GYPE: variants seen among roughly 807,000 people sequenced by gnomAD.
GYPE encodes glycophorin-E.
In GYPE, 8 loss-of-function variants were observed where a neutral mutation model predicts 11.6. That is an observed-to-expected ratio of 0.69 (90% CI 0.41 to 1.25). GYPE has a LOEUF of 1.25. Ranked by LOEUF, GYPE falls within the 50% of genes most tolerant of loss-of-function variation. GYPE has a pLI of 0.01. For missense variants in GYPE, 90 were observed against 92.8 expected (o/e 0.97, Z 0.12); for synonymous variants, 28 against 29.6 (o/e 0.94, Z 0.18).
intron 3 of GYPE, among the ~76,000 whole-genome samples, chr4:143,876,257 G>C: frequency 6.6e-6 from 1 of 152,088 alleles, no homozygotes; most frequent in Middle Eastern, 3.4e-3. Flanking sequence ...GATACTACAC[G>C]TGTGCACCAC....
chr4:143,904,269 T>C (rs1293708871), intron 1 of GYPE, among the ~76,000 whole-genome samples: 1 of 152,136 alleles, frequency 6.6e-6, no homozygotes, highest in East Asian at 1.9e-4. Context: ...TAGTTAATTC[T>C]AATCATAGAA....
At chr4:143,874,970 C>A (rs1481615213) in intron 3 of GYPE, among the ~76,000 whole-genome samples, 1 of 152,170 alleles carries the variant, frequency 6.6e-6, no homozygotes, top group African/African-American at 2.4e-5. Context: ...TATCAAGAAT[C>A]TGGTTTTTGA....
At chr4:143,901,804 A>G (rs1424454411) in intron 1 of GYPE, among the ~76,000 whole-genome samples, 2 of 151,452 alleles carry the variant, frequency 1.3e-5, no homozygotes, top group African/African-American at 4.9e-5. Context: ...TATCACAAGA[A>G]TGTGAAGCTA....
intron 1 of GYPE, among the ~76,000 whole-genome samples, chr4:143,898,735 G>A (rs1264813751): frequency 3.9e-5 from 6 of 152,162 alleles, no homozygotes; most frequent in Admixed American, 6.5e-5. Flanking sequence ...ACGAATCAAT[G>A]AAGACAGATT....
At chr4:143,898,301 T>C (rs11931694) in intron 1 of GYPE, among the ~76,000 whole-genome samples, 141,165 of 152,040 alleles carry the variant, frequency 0.93, 66,454 homozygotes, top group East Asian at 1. Context: ...TGCTTGAACC[T>C]GGGAGGCAGA....
At chr4:143,900,211 G>C (rs1453453830) in intron 1 of GYPE, among the ~76,000 whole-genome samples, 2 of 139,974 alleles carry the variant, frequency 1.4e-5, no homozygotes, top group Non-Finnish European at 3.1e-5. Flanking sequence ...AGCATCATGA[G>C]TTATCAGGAA....
At chr4:143,882,824 G>C (rs1015446346) in intron 1 of GYPE, among the ~76,000 whole-genome samples, 1 of 152,036 alleles carries the variant, frequency 6.6e-6, no homozygotes, top group Non-Finnish European at 1.5e-5. Context: ...ATACAAAATG[G>C]GCTCTTCTGA....
intron 1 of GYPE, among the ~76,000 whole-genome samples, chr4:143,890,116 T>C (rs1309645454): frequency 6.6e-6 from 1 of 152,192 alleles, no homozygotes; most frequent in Non-Finnish European, 1.5e-5. Flanking sequence ...AAGATGATAA[T>C]TCACCTTGTT....
intron 2 of GYPE, among the ~76,000 whole-genome samples, chr4:143,877,635 C>T (rs573245168): frequency 6.6e-6 from 1 of 151,936 alleles, no homozygotes; most frequent in Non-Finnish European, 1.5e-5. Context: ...ATTTAAAAGT[C>T]CTATTATTGA....
At position 143,901,809 on chromosome 4, in the gene GYPE, AAG is replaced by A. The variant is rs1419759715; in HGVS notation, c.37+3660_37+3661del. 5.9e-3 allele frequency among the ~76,000 whole-genome samples: 899 copies of A among 152,148 alleles called. 11 individuals are homozygous for A. Among genetic ancestry groups the A allele is most frequent in the African/African-American group, 0.021 (862 of 41,490 alleles). ...AAAAGAAATTTATCACAAGAATGTG[AAG>A]CTAAATTTCCTAATTTAAAATCACT... On this transcript the variant is annotated intron_variant, in intron 1 of 3. Transcript: ENST00000358615.
intron 3 of GYPE, among the ~76,000 whole-genome samples, chr4:143,873,669 A>T (rs2149902786): frequency 6.6e-6 from 1 of 152,290 alleles, no homozygotes; most frequent in East Asian, 1.9e-4. Context: ...GATTATGTGA[A>T]CTCAGGCTGA....
In GYPE at chr4:143,876,082, G is replaced by T. The variant is rs143823320; in HGVS notation, c.*9+664C>A. Among the ~76,000 whole-genome samples the T allele has an allele frequency of 6.5e-3, 995 of 152,026 alleles. 14 individuals carry two copies. Among genetic ancestry groups the T allele is most frequent in the African/African-American group, 0.023 (942 of 41,484 alleles). ...CTGTTGCAAAATATGTGAGAATTAA[G>T]AAAGGCAAAAGGTTTATTTTGTTTA... On this transcript the variant is annotated intron_variant, in intron 3 of 3. Coordinates refer to ENST00000358615, the MANE Select transcript of GYPE (RefSeq NM_198682.3).
intron 1 of GYPE, among the ~76,000 whole-genome samples, chr4:143,881,336 GTTATT>G (rs1182260150): frequency 1.3e-5 from 2 of 151,878 alleles, no homozygotes; most frequent in Non-Finnish European, 2.9e-5. Context: ...AAATTTATAA[GTTATT>G]TTATAAAATT....
At chr4:143,894,138 C>T (rs555955111) in intron 1 of GYPE, among the ~76,000 whole-genome samples, 3 of 152,046 alleles carry the variant, frequency 2.0e-5, no homozygotes, top group South Asian at 2.1e-4. Context: ...ACGTAGTTCT[C>T]GAGGCTTGGC....
chr4:143,900,921 T>A (rs1490423439), intron 1 of GYPE, among the ~76,000 whole-genome samples: 1 of 152,132 alleles, frequency 6.6e-6, no homozygotes, highest in Non-Finnish European at 1.5e-5. Context: ...TGTGCATCAT[T>A]TTGAATGCAT....
intron 1 of GYPE, among the ~76,000 whole-genome samples, chr4:143,903,715 T>C (rs1744953883): frequency 6.6e-6 from 1 of 152,020 alleles, no homozygotes; most frequent in South Asian, 2.1e-4. Context: ...GAGACCATTG[T>C]AGCTTTCAGG....
chr4:143,885,049 G>A (rs1382904643), intron 1 of GYPE, among the ~76,000 whole-genome samples: 1 of 150,930 alleles, frequency 6.6e-6, no homozygotes, highest in African/African-American at 2.4e-5. Flanking sequence ...TTCAAGAGTG[G>A]CCAAGATAAG....
intron 1 of GYPE, among the ~76,000 whole-genome samples, chr4:143,893,382 G>T (rs1269188903): frequency 6.8e-6 from 1 of 146,262 alleles, no homozygotes; most frequent in East Asian, 2.0e-4. Flanking sequence ...TTGCTCATTA[G>T]TTGATGCAGT....
chr4:143,875,958 A>G (rs1743788492), intron 3 of GYPE, among the ~76,000 whole-genome samples: 1 of 151,894 alleles, frequency 6.6e-6, no homozygotes, highest in Non-Finnish European at 1.5e-5. Flanking sequence ...CCTGGGTGAC[A>G]GAGGGAAACT....
Sources: gnomAD v4.1 joint callset for allele counts (sites outside exome capture counted in the v4.1 genomes callset) on GRCh38, gnomAD v4.1.1 for gene constraint, MANE v1.5 for transcripts, NCBI Gene and HGNC (gene_info 2026-07-23, HGNC 2026-07-21) for gene names.